The following FRMD1 variants were observed in gnomAD, a reference collection of about 807,000 sequenced individuals.
FRMD1 encodes FERM domain-containing protein 1.
Under a neutral mutation model 54.9 loss-of-function variants are expected in FRMD1, and 51 were observed. That is an observed-to-expected ratio of 0.93 (90% CI 0.74 to 1.17). The LOEUF (loss-of-function observed/expected upper bound fraction) is 1.17. FRMD1 is among the 50% of genes most tolerant of loss of function. The pLI, the probability that FRMD1 is intolerant of heterozygous loss-of-function variation, is 0.00. For missense variants in FRMD1, 729 were observed against 743.0 expected (o/e 0.98, Z 0.22); for synonymous variants, 324 against 306.4 (o/e 1.06, Z -0.60).
At position 168,066,752 on chromosome 6, in the gene FRMD1, TA is replaced by T. The variant is rs1237973563; in HGVS notation, c.461+2del. 5 of 1,611,866 alleles carry T rather than the reference TA, an allele frequency of 3.1e-6. No individual in the cohort carries two copies. Among genetic ancestry groups the T allele is most frequent in the Non-Finnish European group, 4.2e-6 (5 of 1,179,352 alleles). ...ACACCCCTTACAGTCCGCATGCCGT[TA>T]CCTTATGACCCTTCCGTTTTCCACG... On this transcript the variant is annotated splice_donor_variant, in intron 4 of 10. Transcript: ENST00000283309. LOFTEE classifies it high-confidence loss of function.
upstream of FRMD1, among the ~76,000 whole-genome samples, chr6:168,083,581 G>A (rs1033789165): frequency 6.6e-6 from 1 of 152,244 alleles, no homozygotes; most frequent in Non-Finnish European, 1.5e-5. Flanking sequence ...CATGGGAGGA[G>A]GGCGTGAAGG....
At chr6:168,074,709 T>A (rs895690558) in intron 2 of FRMD1, among the ~76,000 whole-genome samples, 9 of 145,532 alleles carry the variant, frequency 6.2e-5, no homozygotes, top group Non-Finnish European at 3.0e-5. Flanking sequence ...ATGTGTGTGG[T>A]TTGTGCATGT....
rs573055168 is a variant in FRMD1 at position 168,079,113 on chromosome 6, T to C, written c.-19A>G. On this transcript the variant is annotated 5_prime_UTR_variant, in exon 1 of 11. Transcript: ENST00000283309. ...CCGCCATGCTGTCGTTACTCGGCCC[T>C]CCCCCGCCATGGGTCGCAGGTGGGT... The C allele has an allele frequency of 3.8e-6, 6 of 1,566,370 alleles. No homozygotes were observed. The highest frequency in any genetic ancestry group is 1.2e-5 in the South Asian group (1 of 86,772).
At chr6:168,084,077 T>A (rs191218066), upstream of FRMD1, among the ~76,000 whole-genome samples, 297 of 152,224 alleles carry the variant, frequency 2.0e-3, 1 homozygote, top group Non-Finnish European at 3.7e-3. Flanking sequence ...TCCCACGGCC[T>A]CCCAGGTGCA....
Position 168,057,042 on chromosome 6 carries a change from G to T in FRMD1, c.*55C>A. 1 of 1,431,126 alleles carries T rather than the reference G, an allele frequency of 7.0e-7. No individual in the cohort carries two copies. Among genetic ancestry groups the T allele is most frequent in the Non-Finnish European group, 9.2e-7 (1 of 1,090,550 alleles). 88.7% of individuals were successfully genotyped at this position (1,431,126 alleles called of 1,614,324 possible). A position where few individuals can be genotyped will look rare whatever the true frequency, so the allele number is the denominator to read the frequency against. ...AAGGGACGAGGGCCATGTGGAAGTG[G>T]GGTGGGCAGGGGCTGAGCCTGGCGG... On this transcript the variant is annotated 3_prime_UTR_variant, in exon 11 of 11. Coordinates refer to ENST00000283309, the MANE Select transcript of FRMD1 (RefSeq NM_024919.6).
chr6:168,075,207 C>T (rs767572388), intron 2 of FRMD1, 38 bp downstream of exon 2: 4 of 1,581,884 alleles, frequency 2.5e-6, no homozygotes, highest in African/African-American at 1.3e-5. Flanking sequence ...GATGCGGCCC[C>T]TGGGCATTCC....
chr6:168,057,019 G>A lies in FRMD1; in HGVS notation c.*78C>T. The stretch of plus-strand genomic sequence containing the variant: ...GCAGGCAGCATCTGGCGGGCAGGAA[G>A]GGACGAGGGCCATGTGGAAGTGGGG... On this transcript the variant is annotated 3_prime_UTR_variant, in exon 11 of 11. Coordinates refer to ENST00000283309, the MANE Select transcript of FRMD1 (RefSeq NM_024919.6). 7.1e-7 allele frequency: 1 copy of A among 1,404,042 alleles called. No individual in the cohort carries two copies. The highest frequency in any genetic ancestry group is 9.3e-7 in the Non-Finnish European group (1 of 1,075,672). 87.0% of individuals were successfully genotyped at this position (1,404,042 alleles called of 1,614,324 possible).
At position 168,086,593 on chromosome 6, in the gene FRMD1, C is replaced by T. The variant is rs536772491; in HGVS notation, c.-11-7569G>A. Among the ~76,000 whole-genome samples, 105 of 80,388 alleles carry T rather than the reference C, an allele frequency of 1.3e-3. 1 individual carries two copies. Among genetic ancestry groups the T allele is most frequent in the African/African-American group, 3.1e-3 (102 of 33,426 alleles). 52.7% of individuals were successfully genotyped at this position (80,388 alleles called of 152,430 possible). Reference sequence around the variant, plus strand: ...CCCAGTGTGGACACTGCCCATGTTCCAGCATGGATACCCACATCTTCAGTG... The same window carrying T: ...CCCAGTGTGGACACTGCCCATGTTCTAGCATGGATACCCACATCTTCAGTG... On this transcript the variant is annotated intron_variant, in intron 1 of 12. Coordinates refer to the FRMD1 transcript ENST00000644440.
At chr6:168,067,229 G>T in intron 3 of FRMD1, 138 bp downstream of exon 3, 2 of 656,224 alleles carry the variant, frequency 3.0e-6, no homozygotes, top group Non-Finnish European at 5.5e-6. Context: ...GTGGTGCCCT[G>T]CTCTCTCCCA....
At chr6:168,067,649 A>C in intron 2 of FRMD1, 1 of 524,706 alleles carries the variant, frequency 1.9e-6, no homozygotes, top group Non-Finnish European at 3.4e-6. Flanking sequence ...ATGCTTGCTT[A>C]CTAAAACAAT....
At chr6:168,068,164 C>G (rs773607022) in intron 2 of FRMD1, among the ~76,000 whole-genome samples, 1 of 152,086 alleles carries the variant, frequency 6.6e-6, no homozygotes, top group African/African-American at 2.4e-5. Flanking sequence ...AATCTAGTAC[C>G]AACGTGATCA....
chr6:168,089,446 G>A (rs1024381744), intron 1 of FRMD1, among the ~76,000 whole-genome samples: 2 of 152,244 alleles, frequency 1.3e-5, no homozygotes, highest in Admixed American at 6.5e-5. Flanking sequence ...TTGAGAAGGC[G>A]CCTGGGGTCT....
rs1800037600 is a variant in FRMD1, at chr6:168,066,609, C to A, written c.461+146G>T. On this transcript the variant is annotated intron_variant, in intron 4 of 10. Coordinates refer to ENST00000283309, the MANE Select transcript of FRMD1 (RefSeq NM_024919.6). ...TAGAATTCCTGTGTTAACCCCAAAG[C>A]AAACAGCCGATATAGTGGGGTTGTT... 5 of 1,424,986 alleles carry A rather than the reference C, an allele frequency of 3.5e-6. No individual in the cohort carries two copies. The East Asian group carries it at 1.1e-4, about 30-fold the overall frequency. 88.3% of individuals were successfully genotyped at this position (1,424,986 alleles called of 1,614,324 possible).
chr6:168,054,639 T>C lies in FRMD1; in HGVS notation c.*2458A>G, dbSNP rs1799347172. The stretch of plus-strand genomic sequence containing the variant: ...AGTCGGTGTCCATTTTTCTGGAAAA[T>C]AGCCGTATTGCCTAAAAGACCTCTG... On this transcript the variant is annotated 3_prime_UTR_variant, in exon 11 of 11. Coordinates refer to ENST00000283309, the MANE Select transcript of FRMD1 (RefSeq NM_024919.6). The C allele has an allele frequency of 6.6e-6, 1 of 151,122 alleles. No individual in the cohort carries two copies. Among genetic ancestry groups the C allele is most frequent in the Non-Finnish European group, 1.5e-5 (1 of 67,890 alleles). The allele number at this position is 151,122 out of a possible 1,614,324, so 9.4% of individuals were successfully genotyped here.
At chr6:168,083,787 T>C (rs774024090), upstream of FRMD1, among the ~76,000 whole-genome samples, 8 of 152,216 alleles carry the variant, frequency 5.3e-5, no homozygotes, top group Non-Finnish European at 8.8e-5. Flanking sequence ...ATCCTGTCCC[T>C]GGCCGGGGAA....
chr6:168,069,150 T>A (rs1800178548), intron 2 of FRMD1, among the ~76,000 whole-genome samples: 1 of 152,164 alleles, frequency 6.6e-6, no homozygotes, highest in Non-Finnish European at 1.5e-5. Flanking sequence ...TACCCCCATC[T>A]CACAGACAGG....
At chr6:168,082,836 G>C (rs73790724), upstream of FRMD1, among the ~76,000 whole-genome samples, 4 of 152,210 alleles carry the variant, frequency 2.6e-5, no homozygotes, top group Non-Finnish European at 4.4e-5. Context: ...CAAGCGGATA[G>C]TGCAGGGCCT....
At chr6:168,080,696 G>A (rs995241064), upstream of FRMD1, among the ~76,000 whole-genome samples, 1 of 152,236 alleles carries the variant, frequency 6.6e-6, no homozygotes, top group African/African-American at 2.4e-5. Context: ...ACACAGCACA[G>A]AGGGGACAAC....
intron 8 of FRMD1, among the ~76,000 whole-genome samples, chr6:168,061,512 TTG>T (rs1377062182): frequency 6.6e-6 from 1 of 152,226 alleles, no homozygotes; most frequent in Non-Finnish European, 1.5e-5. Context: ...TTCTTGCTCT[TTG>T]TGGGCACATG....
Sources: gnomAD v4.1 joint callset for allele counts (sites outside exome capture counted in the v4.1 genomes callset) on GRCh38, gnomAD v4.1.1 for gene constraint, MANE v1.5 for transcripts, NCBI Gene and HGNC (gene_info 2026-07-23, HGNC 2026-07-21) for gene names.